Variants in SENP2 observed in about 807,000 individuals in gnomAD.
The protein encoded by SENP2 is SUMO specific peptidase 2, also known as sentrin-specific protease 2.
Under a neutral mutation model 86.3 loss-of-function variants are expected in SENP2, and 16 were observed. That is an observed-to-expected ratio of 0.19 (90% CI 0.13 to 0.28). The LOEUF is 0.28. Among genes scored for constraint, SENP2 ranks in the 10% least tolerant of loss-of-function variants. The probability of loss-of-function intolerance (pLI) is 1.00; values close to 1 mark genes in which losing one functional copy is unlikely to be tolerated. For missense variants in SENP2, 552 were observed against 703.0 expected, an observed-to-expected ratio of 0.79 and a Z score of 2.43; for synonymous variants, 222 against 238.7, an observed-to-expected ratio of 0.93 and a Z score of 0.64.
At chr3:185,600,703 C>A in intron 4 of SENP2, 62 bp from the exon 5 acceptor site, 1 of 1,106,802 alleles carries the variant, frequency 9.0e-7, no homozygotes, top group Non-Finnish European at 1.4e-6. Flanking sequence ...TTTTTCTTTC[C>A]TTATGCAGAC....
chr3:185,593,122 G>GGAT (rs1722062528), intron 2 of SENP2, among the ~76,000 whole-genome samples: 1 of 152,160 alleles, frequency 6.6e-6, no homozygotes, highest in Admixed American at 6.6e-5. Flanking sequence ...CTTGAAGGAT[G>GGAT]GATAGGATAT....
chr3:185,610,003 T>C (rs1434753170), intron 7 of SENP2, among the ~76,000 whole-genome samples: 1 of 152,124 alleles, frequency 6.6e-6, no homozygotes, highest in Non-Finnish European at 1.5e-5. Flanking sequence ...TATTTGGCCT[T>C]GTATTTGCCT....
chr3:185,615,062 A>C (rs1268659510), intron 11 of SENP2, among the ~76,000 whole-genome samples: 1 of 152,158 alleles, frequency 6.6e-6, no homozygotes, highest in Non-Finnish European at 1.5e-5. Context: ...CATTAAGAAT[A>C]AGTTCATTGC....
In SENP2 at chr3:185,626,352, G is replaced by A; in HGVS notation, c.1666G>A (p.Ala556Thr). ...TTGTGGAATGTTTACTTGTAAATAT[G>A]CAGATTATATTTCTAGGGACAAACC... ...SDCGMFTCKY[A>T]DYISRDKPIT... Residue 556 changes from alanine to threonine, a missense_variant, in exon 16 of 17, where the codon GCA becomes ACA. By Grantham distance (58) the Ala-to-Thr change is moderately conservative. Around this residue, in one of 2 missense-constraint regions of SENP2, gnomAD observed 169 missense variants for 275.7 expected, o/e 0.61. Transcript: ENST00000296257. 6.2e-7 allele frequency: 1 copy of A among 1,612,122 alleles called. No homozygotes were observed.
At chr3:185,602,384 G>C (rs939175789) in intron 5 of SENP2, among the ~76,000 whole-genome samples, 4 of 152,112 alleles carry the variant, frequency 2.6e-5, no homozygotes, top group Non-Finnish European at 5.9e-5. Flanking sequence ...CCTGACAGAG[G>C]AGGAGATTTC....
At chr3:185,614,213 G>C (rs971547495) in intron 10 of SENP2, among the ~76,000 whole-genome samples, 2 of 152,212 alleles carry the variant, frequency 1.3e-5, no homozygotes, top group African/African-American at 4.8e-5. Flanking sequence ...TATTCTGAGT[G>C]ATGGGATTGT....
chr3:185,624,865 C>CAA (rs55897322), intron 15 of SENP2, among the ~76,000 whole-genome samples: 17 of 107,430 alleles, frequency 1.6e-4, no homozygotes, highest in Non-Finnish European at 1.9e-4. Context: ...GAGACTGTCT[C>CAA]AAAAAAAAAA....
rs1721797581 is a variant in SENP2 at position 185,586,776 on chromosome 3, G to A, written c.101+262G>A. ...GGTTGCTGATAACAAATGGGGCTTTGCCGCTCTTAGGCTGAACACTAACAT... is the reference window on the plus strand; with the variant it reads ...GGTTGCTGATAACAAATGGGGCTTTACCGCTCTTAGGCTGAACACTAACAT... On this transcript the variant is annotated intron_variant, in intron 1 of 16. Transcript: ENST00000296257. This position sits in a 1 kb window ranked among gnomAD's most constrained non-coding sequence, Gnocchi z 4.3. Among the ~76,000 whole-genome samples the A allele has an allele frequency of 6.6e-6, 1 of 152,212 alleles. No individual in the cohort carries two copies. Among genetic ancestry groups the A allele is most frequent in the Non-Finnish European group, 1.5e-5 (1 of 68,040 alleles).
intron 3 of SENP2, 91 bp downstream of exon 3, chr3:185,598,636 T>C: frequency 3.8e-6 from 5 of 1,302,950 alleles, no homozygotes; most frequent in Non-Finnish European, 5.3e-6. Flanking sequence ...TTAATGTGTA[T>C]AATTACTTTT....
chr3:185,624,359 A>G (rs1357958384), intron 15 of SENP2, among the ~76,000 whole-genome samples: 1 of 152,104 alleles, frequency 6.6e-6, no homozygotes, highest in Non-Finnish European at 1.5e-5. Context: ...AATCTCTAGC[A>G]ATTAATCTAA....
At chr3:185,608,028 A>G (rs769610511) in intron 6 of SENP2, among the ~76,000 whole-genome samples, 9 of 152,188 alleles carry the variant, frequency 5.9e-5, no homozygotes, top group Non-Finnish European at 1.2e-4. Context: ...ACCATCTGCT[A>G]TTTCACTTGC....
intron 14 of SENP2, among the ~76,000 whole-genome samples, chr3:185,622,816 GC>G (rs1711949731): frequency 1.5e-5 from 2 of 131,770 alleles, no homozygotes; most frequent in African/African-American, 2.9e-5. Context: ...TTACATTCAT[GC>G]TTTTTTTTTT....
intron 13 of SENP2, among the ~76,000 whole-genome samples, chr3:185,621,386 CTTTTTTTTT>C (rs1220771289): frequency 5.1e-5 from 4 of 78,776 alleles, no homozygotes; most frequent in African/African-American, 1.5e-4. Context: ...TCTTTTTTTT[CTTTTTTTTT>C]TTTTTTTTTT....
rs573127653 is a variant in SENP2 at position 185,628,735 on chromosome 3, G to A, written c.1708-1047G>A. On this transcript the variant is annotated intron_variant, in intron 16 of 16. Transcript: ENST00000296257. ...TGGTCAGGCTGGTTTCGAACTCCTG[G>A]CCTCAGGTGATATGCCCACCTTGGC... Among the ~76,000 whole-genome samples the A allele has an allele frequency of 5.3e-5, 8 of 151,616 alleles. No homozygotes were observed. In the South Asian group the frequency reaches 6.3e-4, roughly 12 times the overall value.
intron 2 of SENP2, 71 bp from the exon 3 acceptor site, chr3:185,598,341 T>C: frequency 6.7e-7 from 1 of 1,495,832 alleles, no homozygotes; most frequent in South Asian, 1.2e-5. Context: ...AGAGGCTCTT[T>C]CCAAGATATC....
At chr3:185,587,570 A>ATTATTTTTTTTTTTTTTTTT (rs1721827370) in intron 1 of SENP2, among the ~76,000 whole-genome samples, 1 of 118,798 alleles carries the variant, frequency 8.4e-6, no homozygotes, top group African/African-American at 3.2e-5. Context: ...TCAAGTGTTA[A>ATTATTTTTTTTTTTTTTTTT]TTTTTTTTTT....
At chr3:185,625,502 C>A (rs560774367) in intron 15 of SENP2, among the ~76,000 whole-genome samples, 22 of 152,158 alleles carry the variant, frequency 1.4e-4, no homozygotes, top group African/African-American at 5.1e-4. Context: ...CAATAACTTG[C>A]GCTAATTGTG....
intron 10 of SENP2, 117 bp from the exon 11 acceptor site, chr3:185,614,447 G>A (rs910739638): frequency 1.0e-6 from 1 of 999,680 alleles, no homozygotes; most frequent in African/African-American, 1.6e-5. Flanking sequence ...TCACTTGGGG[G>A]ATTTGCTAAT....
At chr3:185,628,001 G>A (rs528305030) in intron 16 of SENP2, among the ~76,000 whole-genome samples, 15 of 152,270 alleles carry the variant, frequency 9.9e-5, no homozygotes, top group Admixed American at 7.2e-4. Flanking sequence ...GGCATTTATT[G>A]CTTAGTCTCA....
Sources: gnomAD v4.1 joint callset for allele counts (sites outside exome capture counted in the v4.1 genomes callset) on GRCh38, gnomAD v4.1.1 for gene constraint, gnomAD v4.1.1 regional missense constraint, Gnocchi (gnomAD v3.1) non-coding constraint, MANE v1.5 for transcripts, NCBI Gene and HGNC (gene_info 2026-07-23, HGNC 2026-07-21) for gene names.